ZFR2: variants seen among roughly 807,000 people sequenced by gnomAD.
ZFR2 encodes zinc finger RNA-binding protein 2.
Under a neutral mutation model 105.7 loss-of-function variants are expected in ZFR2, and 104 were observed. That is an observed-to-expected ratio of 0.98 (90% CI 0.84 to 1.16). ZFR2 has a LOEUF of 1.16. Ranked by LOEUF, ZFR2 falls within the 50% of genes most tolerant of loss-of-function variation. The probability of loss-of-function intolerance (pLI) is 0.00; values close to 1 mark genes in which losing one functional copy is unlikely to be tolerated. For synonymous variants in ZFR2, 634 were observed against 597.7 expected, an observed-to-expected ratio of 1.06 and a Z score of -0.89; for missense variants, 1,425 against 1,355.5, an observed-to-expected ratio of 1.05 and a Z score of -0.80.
At chr19:3,859,380 C>T (rs2145192238) in intron 1 of ZFR2, among the ~76,000 whole-genome samples, 1 of 152,332 alleles carries the variant, frequency 6.6e-6, no homozygotes, top group South Asian at 2.1e-4. Context: ...CCCCTGGCTT[C>T]CTTGTGCCTC....
At chr19:3,837,270 G>C (rs1448191803) in intron 1 of ZFR2, among the ~76,000 whole-genome samples, 1 of 152,116 alleles carries the variant, frequency 6.6e-6, no homozygotes, top group Non-Finnish European at 1.5e-5. Flanking sequence ...TCACACACTT[G>C]TCCTGAGTGT....
At position 3,831,507 on chromosome 19, in the gene ZFR2, A is replaced by T; in HGVS notation, c.648T>A (p.Pro216=). The T allele has an allele frequency of 6.4e-7, 1 of 1,555,446 alleles. No individual in the cohort carries two copies. Residue 216 remains proline (P), a synonymous_variant, in exon 5 of 19, where the codon CCT becomes CCA. Coordinates refer to ENST00000262961, the MANE Select transcript of ZFR2 (RefSeq NM_015174.2). ...YDASVYSAAS[P]FYPPAQPPPP... ...GCGGGGGCTGCGCTGGAGGATAGAA[A>T]GGGCTGGCAGCGGAGTACACCGACG...
chr19:3,863,520 T>C (rs2038396314), intron 1 of ZFR2, among the ~76,000 whole-genome samples: 1 of 152,144 alleles, frequency 6.6e-6, no homozygotes, highest in South Asian at 2.1e-4. Flanking sequence ...TTCAACTTCC[T>C]GGCCTCAAGC....
rs2038427105 is a variant in ZFR2, at chr19:3,866,388, CGGGTTGCGTGT to C, written c.53+2566_53+2576del. 1.5e-4 allele frequency among the ~76,000 whole-genome samples: 22 copies of C among 151,070 alleles called. No homozygotes were observed. In the South Asian group the frequency reaches 4.6e-3, roughly 32 times the overall value. On this transcript the variant is annotated intron_variant, in intron 1 of 18. Transcript: ENST00000262961. The stretch of plus-strand genomic sequence containing the variant: ...ACGGACTAACTCAACAACTCAACAC[CGGGTTGCGTGT>C]ATACTGTATCACCTAAGCCATCAGA...
chr19:3,868,975 G>A lies in ZFR2; in HGVS notation c.43C>T (p.Pro15Ser), dbSNP rs1256329672. 1 of 1,359,126 alleles carries A rather than the reference G, an allele frequency of 7.4e-7. No homozygotes were observed. 84.2% of individuals were successfully genotyped at this position (1,359,126 alleles called of 1,614,324 possible). ...QYFDFAQGGG[P>S]QYSAQPPTLP... The stretch of plus-strand genomic sequence containing the variant: ...CGGCGGGGCAGTTACCTGTACTGCG[G>A]GCCGCCGCCCTGCGCGAAGTCGAAA... The change falls in exon 1 of 19, where the codon CCG (proline) becomes TCG (serine). Residue 15 changes from proline to serine, a missense_variant. By Grantham distance (74) the Pro-to-Ser change is moderately conservative (BLOSUM62 -1). Transcript: ENST00000262961.
chr19:3,866,981 G>C (rs570459628), intron 1 of ZFR2, among the ~76,000 whole-genome samples: 2 of 152,304 alleles, frequency 1.3e-5, no homozygotes, highest in African/African-American at 2.4e-5. Context: ...CCACAGCCCT[G>C]GTTTCCAAGC....
At chr19:3,807,636 C>A (rs1407820186) in intron 17 of ZFR2, among the ~76,000 whole-genome samples, 2 of 151,122 alleles carry the variant, frequency 1.3e-5, no homozygotes, top group African/African-American at 4.9e-5. Flanking sequence ...TGCATGTGTG[C>A]CTGTGTGTGC....
At chr19:3,817,603 AATAATT>A (rs759156678) in intron 12 of ZFR2, among the ~76,000 whole-genome samples, 18,710 of 140,840 alleles carry the variant, frequency 0.13, 1,498 homozygotes, top group Admixed American at 0.23. Flanking sequence ...TAATAATAAT[AATAATT>A]AGCTGGGTGT....
At chr19:3,857,387 C>T (rs1300437050) in intron 1 of ZFR2, among the ~76,000 whole-genome samples, 1 of 151,918 alleles carries the variant, frequency 6.6e-6, no homozygotes, top group Non-Finnish European at 1.5e-5. Context: ...GAGGTGAGAG[C>T]GATAGTTGAG....
chr19:3,851,306 T>A lies in ZFR2; in HGVS notation c.54-16323A>T, dbSNP rs181809306. Among the ~76,000 whole-genome samples the A allele has an allele frequency of 5.3e-5, 8 of 152,238 alleles. No individual in the cohort carries two copies. The East Asian group carries it at 1.5e-3, about 29-fold the overall frequency. ...GCCAGCTCTCAGCAGTGTAGGGCTT[T>A]ACAAACACCTAAAACAGGGCCTGGG... On this transcript the variant is annotated intron_variant, in intron 1 of 18. Transcript: ENST00000262961.
chr19:3,834,748 G>T lies in ZFR2; in HGVS notation c.264+25C>A. On this transcript the variant is annotated intron_variant, in intron 2 of 18. Transcript: ENST00000262961. The surrounding 1 kb of genome is among the most constrained non-coding windows in gnomAD (Gnocchi z 5.3). ...AAGGCGACCCACGTTTCCCGGCAAC[G>T]CTGGTCAAAGAAAGGACTGGATACC... The T allele has an allele frequency of 6.2e-7, 1 of 1,608,306 alleles. No individual in the cohort carries two copies. The highest frequency in any genetic ancestry group is 8.5e-7 in the Non-Finnish European group (1 of 1,178,592).
intron 13 of ZFR2, among the ~76,000 whole-genome samples, chr19:3,816,012 C>G (rs2037821605): frequency 1.3e-5 from 2 of 152,128 alleles, no homozygotes; most frequent in South Asian, 4.2e-4. Context: ...ATCTCAGCCT[C>G]CCAAAGTGCT....
chr19:3,859,339 C>G (rs1422626063), intron 1 of ZFR2, among the ~76,000 whole-genome samples: 1 of 152,232 alleles, frequency 6.6e-6, no homozygotes, highest in African/African-American at 2.4e-5. Context: ...GGCTTCCCGA[C>G]TTTTGAGGTT....
chr19:3,829,342 C>T (rs373050785), intron 5 of ZFR2, among the ~76,000 whole-genome samples: 2 of 151,920 alleles, frequency 1.3e-5, no homozygotes, highest in East Asian at 3.8e-4. Context: ...CACATACTAA[C>T]TTAGAAAGAG....
chr19:3,844,019 G>GGGGGC (rs1555757856), intron 1 of ZFR2, among the ~76,000 whole-genome samples: 1 of 22,372 alleles, frequency 4.5e-5, no homozygotes, highest in Non-Finnish European at 8.3e-5. Flanking sequence ...GATGTGGGGG[G>GGGGGC]GGGGGTGCCA....
chr19:3,843,382 G>A (rs555069772), intron 1 of ZFR2, among the ~76,000 whole-genome samples: 22 of 152,258 alleles, frequency 1.4e-4, no homozygotes, highest in Non-Finnish European at 2.8e-4. Flanking sequence ...GAGCTGGGAG[G>A]ATTGCTTGAA....
At chr19:3,815,435 T>A (rs2037815275) in intron 13 of ZFR2, among the ~76,000 whole-genome samples, 1 of 152,148 alleles carries the variant, frequency 6.6e-6, no homozygotes, top group South Asian at 2.1e-4. Flanking sequence ...AATTCTTCAG[T>A]ATGAGAAGAG....
intron 1 of ZFR2, among the ~76,000 whole-genome samples, chr19:3,835,276 T>C (rs1167701933): frequency 1.3e-5 from 2 of 152,184 alleles, no homozygotes; most frequent in Admixed American, 1.3e-4. Context: ...GCAGATGATC[T>C]ACTTGTGTGG....
chr19:3,805,432 GCTCACT>G lies in ZFR2; in HGVS notation c.*511_*516del, dbSNP rs2037685535. 1 of 152,764 alleles carries G rather than the reference GCTCACT, an allele frequency of 6.5e-6. No homozygotes were observed. Among genetic ancestry groups the G allele is most frequent in the African/African-American group, 2.4e-5 (1 of 41,378 alleles). The allele number at this position is 152,764 out of a possible 1,614,324, so 9.5% of individuals were successfully genotyped here. A position where few individuals can be genotyped will look rare whatever the true frequency, so the allele number is the denominator to read the frequency against. ...GCTGGAGTGTCACGGTGCAATCACAGCTCACTGCCCTCCTGGCCTCAAGGCTCCGGA... is the reference window on the plus strand; with the variant it reads ...GCTGGAGTGTCACGGTGCAATCACAGGCCCTCCTGGCCTCAAGGCTCCGGA... On this transcript the variant is annotated 3_prime_UTR_variant, in exon 19 of 19. Transcript: ENST00000262961.
Sources: gnomAD v4.1 joint callset for allele counts (sites outside exome capture counted in the v4.1 genomes callset) on GRCh38, gnomAD v4.1.1 for gene constraint, Gnocchi (gnomAD v3.1) non-coding constraint, MANE v1.5 for transcripts, NCBI Gene and HGNC (gene_info 2026-07-23, HGNC 2026-07-21) for gene names.